SMOC2: variants seen among roughly 807,000 people sequenced by gnomAD.
The protein encoded by SMOC2 is SPARC related modular calcium binding 2, also known as SPARC-related modular calcium-binding protein 2.
In SMOC2, 39 loss-of-function variants were observed where a neutral mutation model predicts 61.4. The ratio of observed to expected loss-of-function variants is 0.64; its 90% CI spans 0.49 to 0.83. The LOEUF (loss-of-function observed/expected upper bound fraction) is 0.83, where lower values mean the gene tolerates loss of function less well. Among genes scored for constraint, SMOC2 ranks in the 40% least tolerant of loss-of-function variants. SMOC2 has a pLI of 0.00. For synonymous variants in SMOC2, 247 were observed against 239.9 expected, an observed-to-expected ratio of 1.03 and a Z score of -0.27; for missense variants, 556 against 592.9, an observed-to-expected ratio of 0.94 and a Z score of 0.65.
At chr6:168,615,541 G>A (rs4998388) in intron 9 of SMOC2, among the ~76,000 whole-genome samples, 1,318 of 77,996 alleles carry the variant, frequency 0.017, 179 homozygotes, top group Admixed American at 0.11. Flanking sequence ...ACTTACAGCC[G>A]GCACAGGGCC....
At chr6:168,632,486 T>G (rs1786595380) in intron 9 of SMOC2, among the ~76,000 whole-genome samples, 1 of 152,222 alleles carries the variant, frequency 6.6e-6, no homozygotes, top group Non-Finnish European at 1.5e-5. Flanking sequence ...CATCTGTTTT[T>G]TACTGAATAG....
chr6:168,645,147 C>T (rs1469838966), intron 9 of SMOC2, among the ~76,000 whole-genome samples: 6 of 152,140 alleles, frequency 3.9e-5, no homozygotes, highest in East Asian at 1.9e-4. Flanking sequence ...AAATTCTCAG[C>T]GCCTTTCTTA....
At chr6:168,590,057 T>G (rs13215068) in intron 7 of SMOC2, among the ~76,000 whole-genome samples, 3 of 28,204 alleles carry the variant, frequency 1.1e-4, no homozygotes, top group African/African-American at 3.8e-4. Context: ...GGTGTGGCAT[T>G]AGTTTAGGGG....
At chr6:168,585,243 G>C (rs1373452550) in intron 7 of SMOC2, among the ~76,000 whole-genome samples, 1 of 152,216 alleles carries the variant, frequency 6.6e-6, no homozygotes, top group Non-Finnish European at 1.5e-5. Flanking sequence ...ACAGGTGTGA[G>C]CTGCTGTGCC....
chr6:168,475,779 G>C lies in SMOC2; in HGVS notation c.85-34136G>C, dbSNP rs1382558979. ...CAGTATTGGTGGAATAGGCAGGAGA[G>C]GGAGACAACGTCTCCGGAGCCAGTG... On this transcript the variant is annotated intron_variant, in intron 1 of 12. Coordinates refer to ENST00000356284, the MANE Select transcript of SMOC2 (RefSeq NM_001166412.2). This position sits in a 1 kb window ranked among gnomAD's most constrained non-coding sequence, Gnocchi z 4.6. 6.6e-6 allele frequency among the ~76,000 whole-genome samples: 1 copy of C among 152,136 alleles called. No homozygotes were observed. The highest frequency in any genetic ancestry group is 6.5e-5 in the Admixed American group (1 of 15,278).
rs11284179 is a variant in SMOC2, at chr6:168,623,329, A to ATTTTTTTTTTTTTTTTTTTTTTTTTTTTT, written c.907+15109_907+15110insTTTTTTTTTTTTTTTTTTTTTTTTTTTTT. On this transcript the variant is annotated intron_variant, in intron 9 of 12. Coordinates refer to ENST00000356284, the MANE Select transcript of SMOC2 (RefSeq NM_001166412.2). Reference sequence around the variant, plus strand: ...GTTTTGGCTGAGACATGGATAATTAATTTTTTTTTTTTTTTTTTTGAGACA... The same window carrying ATTTTTTTTTTTTTTTTTTTTTTTTTTTTT: ...GTTTTGGCTGAGACATGGATAATTAATTTTTTTTTTTTTTTTTTTTTTTTTTTTTTTTTTTTTTTTTTTTTTTTGAGACA... 4.6e-5 allele frequency among the ~76,000 whole-genome samples: 6 copies of ATTTTTTTTTTTTTTTTTTTTTTTTTTTTT among 129,106 alleles called. 2 individuals are homozygous for ATTTTTTTTTTTTTTTTTTTTTTTTTTTTT. The highest frequency in any genetic ancestry group is 3.0e-5 in the African/African-American group (1 of 33,238). The allele number at this position is 129,106 out of a possible 152,430, so 84.7% of individuals were successfully genotyped here. A position where few individuals can be genotyped will look rare whatever the true frequency, so the allele number is the denominator to read the frequency against.
chr6:168,520,557 C>T (rs946580933), intron 2 of SMOC2, among the ~76,000 whole-genome samples: 12 of 152,214 alleles, frequency 7.9e-5, no homozygotes, highest in Admixed American at 3.3e-4. Flanking sequence ...AGTGACCTCG[C>T]GAGATCCAGA....
intron 2 of SMOC2, among the ~76,000 whole-genome samples, chr6:168,524,988 C>G (rs1280780460): frequency 6.6e-6 from 1 of 152,192 alleles, no homozygotes; most frequent in Admixed American, 6.5e-5. Context: ...ACTTTAACCA[C>G]GAGGGAGTCA....
In SMOC2 at chr6:168,527,753, G is replaced by A. The variant is rs201095018; in HGVS notation, c.463+26G>A. 100 of 1,460,128 alleles carry A rather than the reference G, an allele frequency of 6.8e-5. No homozygotes were observed. The Middle Eastern group carries it at 1.0e-3, about 15-fold the overall frequency. 90.4% of individuals were successfully genotyped at this position (1,460,128 alleles called of 1,614,324 possible). A position where few individuals can be genotyped will look rare whatever the true frequency, so the allele number is the denominator to read the frequency against. Reference sequence around the variant, plus strand: ...GTAGGTCTGACGTGCCTTTCCAAGTGGAAGGCTTGAAGGGAATTGGTTTGC... The same window carrying A: ...GTAGGTCTGACGTGCCTTTCCAAGTAGAAGGCTTGAAGGGAATTGGTTTGC... On this transcript the variant is annotated intron_variant, in intron 4 of 12. Coordinates refer to ENST00000356284, the MANE Select transcript of SMOC2 (RefSeq NM_001166412.2).
At chr6:168,542,413 T>G (rs1280147774) in intron 4 of SMOC2, among the ~76,000 whole-genome samples, 2 of 152,190 alleles carry the variant, frequency 1.3e-5, no homozygotes, top group African/African-American at 2.4e-5. Flanking sequence ...AGGAGAATTG[T>G]GTTCCTTTTT....
chr6:168,614,658 A>AGG (rs536898637), intron 9 of SMOC2, among the ~76,000 whole-genome samples: 45 of 88,912 alleles, frequency 5.1e-4, no homozygotes, highest in Admixed American at 8.2e-4. Flanking sequence ...CAGCCAGCAC[A>AGG]GGGCCTCTTC....
chr6:168,537,798 G>A (rs1027792149), intron 4 of SMOC2, among the ~76,000 whole-genome samples: 2 of 152,140 alleles, frequency 1.3e-5, no homozygotes, highest in African/African-American at 4.8e-5. Context: ...AGCCCACAGG[G>A]TGGATGGATG....
At chr6:168,555,440 G>A (rs1784224645) in intron 7 of SMOC2, among the ~76,000 whole-genome samples, 1 of 152,144 alleles carries the variant, frequency 6.6e-6, no homozygotes, top group Non-Finnish European at 1.5e-5. Flanking sequence ...CCCACCAGGG[G>A]CCAAGCAGGG....
chr6:168,472,121 C>T (rs1169041183), intron 1 of SMOC2, among the ~76,000 whole-genome samples: 2 of 152,192 alleles, frequency 1.3e-5, no homozygotes, highest in Non-Finnish European at 2.9e-5. Context: ...AAATCATTGC[C>T]AAAGCCAATG....
intron 9 of SMOC2, among the ~76,000 whole-genome samples, chr6:168,617,801 G>A (rs1786132790): frequency 6.6e-6 from 1 of 152,206 alleles, no homozygotes; most frequent in Non-Finnish European, 1.5e-5. Context: ...GGCCCCTCCT[G>A]GCCTTACCCC....
intron 4 of SMOC2, among the ~76,000 whole-genome samples, chr6:168,529,687 G>T (rs77955720): frequency 0.042 from 6,399 of 152,272 alleles, 190 homozygotes; most frequent in Non-Finnish European, 0.064. Context: ...GAATTATGGA[G>T]GCGAGAGGTG....
At chr6:168,471,773 A>G (rs1334079261) in intron 1 of SMOC2, among the ~76,000 whole-genome samples, 1 of 152,176 alleles carries the variant, frequency 6.6e-6, no homozygotes, top group Admixed American at 6.5e-5. Context: ...ATTTTTGGAT[A>G]GTGCCATCCT....
chr6:168,472,203 C>G (rs1001888959), intron 1 of SMOC2, among the ~76,000 whole-genome samples: 2 of 152,102 alleles, frequency 1.3e-5, no homozygotes, highest in Non-Finnish European at 2.9e-5. Context: ...GTCTTTGATC[C>G]ATTTTGAGTT....
intron 2 of SMOC2, among the ~76,000 whole-genome samples, chr6:168,515,987 G>A (rs1366305155): frequency 6.6e-6 from 1 of 152,220 alleles, no homozygotes; most frequent in African/African-American, 2.4e-5. Flanking sequence ...CCTGGAGTGG[G>A]CGCTGGCTAG....
Sources: gnomAD v4.1 joint callset for allele counts (sites outside exome capture counted in the v4.1 genomes callset) on GRCh38, gnomAD v4.1.1 for gene constraint, Gnocchi (gnomAD v3.1) non-coding constraint, MANE v1.5 for transcripts, NCBI Gene and HGNC (gene_info 2026-07-23, HGNC 2026-07-21) for gene names.